The following MPHOSPH8 variants were observed in gnomAD, a reference collection of about 807,000 sequenced individuals.
MPHOSPH8 encodes the protein M-phase phosphoprotein, mpp.
A neutral mutation model predicts 87.3 loss-of-function variants in MPHOSPH8; 45 were observed. The observed-to-expected ratio is 0.52, with a 90% CI of 0.41 to 0.66. MPHOSPH8 has a LOEUF of 0.66. Ranked by LOEUF, MPHOSPH8 falls within the 30% of genes least tolerant of loss-of-function variation. MPHOSPH8 has a pLI of 0.00. For synonymous variants in MPHOSPH8, 366 were observed against 376.9 expected (o/e 0.97, Z 0.33); for missense variants, 883 against 1,020.2 (o/e 0.87, Z 1.83).
At chr13:19,663,849 C>T (rs763614387) in intron 9 of MPHOSPH8, among the ~76,000 whole-genome samples, 22 of 152,272 alleles carry the variant, frequency 1.4e-4, no homozygotes, top group Non-Finnish European at 2.4e-4. Context: ...AAGCGGGGGC[C>T]TGCCCACAGC....
At chr13:19,650,299 T>C (rs1171572922) in intron 5 of MPHOSPH8, 39 bp downstream of exon 5, 2 of 1,590,960 alleles carry the variant, frequency 1.3e-6, no homozygotes, top group Admixed American at 1.8e-5. Context: ...TTCAAGGTAG[T>C]GCACCATATT....
rs898656737 is a variant in MPHOSPH8, at chr13:19,643,856, G to A, written c.369+1586G>A. Among the ~76,000 whole-genome samples the A allele has an allele frequency of 5.9e-5, 9 of 151,750 alleles. No individual in the cohort carries two copies. In the South Asian group the frequency reaches 1.3e-3, roughly 21 times the overall value. Reference sequence around the variant, plus strand: ...AAATCCATGCTGACCTCTGTAACTCGGCCTGTCACCACAGTGTCACCACAG... The same window carrying A: ...AAATCCATGCTGACCTCTGTAACTCAGCCTGTCACCACAGTGTCACCACAG... On this transcript the variant is annotated intron_variant, in intron 2 of 13. Transcript: ENST00000361479.
At chr13:19,659,363 ATTTAT>A in intron 7 of MPHOSPH8, 74 bp downstream of exon 7, 1 of 1,217,410 alleles carries the variant, frequency 8.2e-7, no homozygotes, top group South Asian at 1.3e-5. Context: ...TTAACTTTTC[ATTTAT>A]TTTAATTACA....
chr13:19,652,356 A>T lies in MPHOSPH8; in HGVS notation c.1576+2096A>T, dbSNP rs141802141. Among the ~76,000 whole-genome samples the T allele has an allele frequency of 1.4e-4, 22 of 152,194 alleles. 1 individual carries two copies. In the East Asian group the frequency reaches 4.3e-3, roughly 30 times the overall value. ...GGGAACTCCCTCCCCTAGCCAAGGG[A>T]ATCTCTGAGGGACTGTGCCATGAGG... On this transcript the variant is annotated intron_variant, in intron 5 of 13. Transcript: ENST00000361479.
chr13:19,634,224 G>A (rs2137488523), intron 1 of MPHOSPH8, among the ~76,000 whole-genome samples: 1 of 152,320 alleles, frequency 6.6e-6, no homozygotes, highest in Non-Finnish European at 1.5e-5. Context: ...GTGGTGTGTG[G>A]TGATCACAAG....
chr13:19,655,431 G>A (rs1001907635), intron 5 of MPHOSPH8, among the ~76,000 whole-genome samples: 24 of 152,124 alleles, frequency 1.6e-4, no homozygotes, highest in Admixed American at 1.3e-3. Flanking sequence ...TAACACCACT[G>A]TACTCCAGCC....
intron 1 of MPHOSPH8, among the ~76,000 whole-genome samples, chr13:19,640,537 C>A (rs1315025212): frequency 2.0e-5 from 3 of 151,018 alleles, no homozygotes; most frequent in Admixed American, 2.0e-4. Flanking sequence ...CTTTAAATGG[C>A]TTGCCTTTTT....
chr13:19,635,188 C>G (rs1031025874), intron 1 of MPHOSPH8, among the ~76,000 whole-genome samples: 1 of 152,194 alleles, frequency 6.6e-6, no homozygotes, highest in African/African-American at 2.4e-5. Context: ...GTATCACTTG[C>G]ATTTAACACA....
intron 1 of MPHOSPH8, among the ~76,000 whole-genome samples, chr13:19,635,595 A>G (rs1467409781): frequency 2.0e-5 from 3 of 152,224 alleles, no homozygotes; most frequent in Non-Finnish European, 2.9e-5. Context: ...TCATTCATAC[A>G]GTGTTTAATT....
intron 11 of MPHOSPH8, among the ~76,000 whole-genome samples, chr13:19,669,609 A>G (rs1876010488): frequency 6.6e-6 from 1 of 151,676 alleles, no homozygotes; most frequent in Non-Finnish European, 1.5e-5. Context: ...CCTGGGTTCA[A>G]GCAATTCTCC....
At chr13:19,648,545 GCCATTTACGTTGCTATCTTTTATACAA>G in intron 4 of MPHOSPH8, 24 bp downstream of exon 4, 1 of 1,259,066 alleles carries the variant, frequency 7.9e-7, no homozygotes, top group Non-Finnish European at 1.1e-6. Context: ...TTAACGTTTT[GCCATTTACGTTGCTATCTTTTATACAA>G]ATAACCAGTT....
At chr13:19,659,437 G>A (rs1875386126) in intron 7 of MPHOSPH8, 148 bp downstream of exon 7, 3 of 671,652 alleles carry the variant, frequency 4.5e-6, no homozygotes, top group Non-Finnish European at 7.6e-6. Flanking sequence ...GCCGAGGCAG[G>A]AGGATTGCTT....
intron 2 of MPHOSPH8, among the ~76,000 whole-genome samples, chr13:19,643,757 C>T (rs1874424583): frequency 6.6e-6 from 1 of 152,024 alleles, no homozygotes; most frequent in Admixed American, 6.6e-5. Flanking sequence ...TCATACCAGC[C>T]CCTGTGTCCT....
At chr13:19,664,723 A>C (rs1487111462) in intron 9 of MPHOSPH8, among the ~76,000 whole-genome samples, 1 of 151,896 alleles carries the variant, frequency 6.6e-6, no homozygotes, top group Non-Finnish European at 1.5e-5. Flanking sequence ...CCATTTCCTA[A>C]GTTGGGGCAC....
rs75467478 is a variant in MPHOSPH8, at chr13:19,670,218, C to T, written c.2330-18C>T. 1.9e-3 allele frequency: 3,015 copies of T among 1,613,828 alleles called. 55 individuals carry two copies. In the African/African-American group the frequency reaches 0.035, roughly 18 times the overall value. ...AAGGTTGCCTTTGAAGTAATTCACA[C>T]ACATCTCCCATTTTCAGGCTCTGGC... On this transcript the variant is annotated intron_variant, in intron 11 of 13. Transcript: ENST00000361479.
chr13:19,649,276 T>A (rs1017909220), intron 4 of MPHOSPH8, among the ~76,000 whole-genome samples: 4 of 152,014 alleles, frequency 2.6e-5, no homozygotes, highest in South Asian at 2.1e-4. Context: ...CTTGTTAACC[T>A]TTTTTCCTCC....
chr13:19,658,474 G>GA (rs1565940552), intron 5 of MPHOSPH8, among the ~76,000 whole-genome samples: 1 of 152,170 alleles, frequency 6.6e-6, no homozygotes, highest in Admixed American at 6.5e-5. Context: ...ATACCTCACG[G>GA]GGGTGGGTGT....
intron 5 of MPHOSPH8, 58 bp downstream of exon 5, chr13:19,650,318 G>A: frequency 3.3e-6 from 5 of 1,537,352 alleles, no homozygotes; most frequent in Admixed American, 2.0e-5. Flanking sequence ...TTATTTTACT[G>A]TACTCTTCTC....
Position 19,672,016 on chromosome 13 carries a change from C to A in MPHOSPH8, c.*141C>A. 1.3e-6 allele frequency: 1 copy of A among 786,138 alleles called. No individual in the cohort carries two copies. The highest frequency in any genetic ancestry group is 1.6e-5 in the South Asian group (1 of 61,956). The allele number at this position is 786,138 out of a possible 1,614,324, so 48.7% of individuals were successfully genotyped here. Reference sequence around the variant, plus strand: ...AGTTAAGCCTGTTGTCTGTTGTAGTCTGTAAGATGCGACATAGCTGTGTCT... The same window carrying A: ...AGTTAAGCCTGTTGTCTGTTGTAGTATGTAAGATGCGACATAGCTGTGTCT... On this transcript the variant is annotated 3_prime_UTR_variant, in exon 14 of 14. Coordinates refer to ENST00000361479, the MANE Select transcript of MPHOSPH8 (RefSeq NM_017520.4).
Sources: gnomAD v4.1 joint callset for allele counts (sites outside exome capture counted in the v4.1 genomes callset) on GRCh38, gnomAD v4.1.1 for gene constraint, MANE v1.5 for transcripts, NCBI Gene and HGNC (gene_info 2026-07-23, HGNC 2026-07-21) for gene names.